The following LIG1 variants were observed in gnomAD, a reference collection of about 807,000 sequenced individuals.
LIG1 encodes ligase I, DNA, ATP-dependent.
Under a neutral mutation model 115.7 loss-of-function variants are expected in LIG1, and 70 were observed. The observed-to-expected ratio is 0.60, with a 90% confidence interval of 0.50 to 0.74. The LOEUF (loss-of-function observed/expected upper bound fraction) is 0.74. LIG1 is among the 30% of genes least tolerant of loss of function. The pLI is 0.00. For synonymous variants in LIG1, 487 were observed against 495.3 expected, an observed-to-expected ratio of 0.98 and a Z score of 0.22; for missense variants, 1,115 against 1,225.6, an observed-to-expected ratio of 0.91 and a Z score of 1.35.
chr19:48,160,205 G>A (rs987247942), intron 4 of LIG1, among the ~76,000 whole-genome samples: 10 of 152,340 alleles, frequency 6.6e-5, no homozygotes, highest in South Asian at 4.1e-4. Context: ...AAGCCACTGC[G>A]TTTGTGGTCA....
At chr19:48,130,969 C>T in intron 19 of LIG1, 107 bp downstream of exon 19, 2 of 856,384 alleles carry the variant, frequency 2.3e-6, no homozygotes, top group South Asian at 1.4e-5. Flanking sequence ...AACCTGATCT[C>T]CTCCCAATAA....
intron 19 of LIG1, among the ~76,000 whole-genome samples, chr19:48,129,066 C>G (rs1232245682): frequency 2.1e-5 from 3 of 143,862 alleles, no homozygotes; most frequent in South Asian, 2.2e-4. Flanking sequence ...GGCCTCTTTT[C>G]TTTTTTGAGA....
intron 4 of LIG1, chr19:48,161,139 G>A (rs540222946): frequency 3.4e-6 from 2 of 595,878 alleles, no homozygotes; most frequent in South Asian, 1.9e-5. Context: ...ACCAGGAGCT[G>A]CATGTTACAG....
At chr19:48,127,415 A>G in intron 20 of LIG1, 67 bp from the exon 21 acceptor site, 1 of 1,402,462 alleles carries the variant, frequency 7.1e-7, no homozygotes, top group Non-Finnish European at 1.0e-6. Context: ...CCTGAGGCCG[A>G]CAGCATTCAT....
intron 4 of LIG1, among the ~76,000 whole-genome samples, chr19:48,159,054 C>A (rs1477337903): frequency 6.6e-6 from 1 of 151,788 alleles, no homozygotes; most frequent in East Asian, 1.9e-4. Flanking sequence ...CCATTGAGAC[C>A]CTGATGGAGA....
At chr19:48,125,261 T>A (rs1352887386) in intron 21 of LIG1, among the ~76,000 whole-genome samples, 2 of 152,080 alleles carry the variant, frequency 1.3e-5, no homozygotes, top group Non-Finnish European at 2.9e-5. Flanking sequence ...GCAGGGATGA[T>A]CAAATCCTGC....
rs2036630571 is a variant in LIG1, at chr19:48,169,122, T to C, written c.-58+1119A>G. Among the ~76,000 whole-genome samples, 3 of 151,958 alleles carry C rather than the reference T, an allele frequency of 2.0e-5. No individual in the cohort carries two copies. In the South Asian group the frequency reaches 6.2e-4, roughly 32 times the overall value. Reference sequence around the variant, plus strand: ...TAGAAAAAAGGTAACATCCTAATAATATATGATTCCATTTACATAACAATC... The same window carrying C: ...TAGAAAAAAGGTAACATCCTAATAACATATGATTCCATTTACATAACAATC... On this transcript the variant is annotated intron_variant, in intron 1 of 27. Transcript: ENST00000263274.
In LIG1 at chr19:48,155,948, C is replaced by A. The variant is rs555139227; in HGVS notation, c.370+1066G>T. Among the ~76,000 whole-genome samples the A allele has an allele frequency of 1.4e-4, 22 of 152,312 alleles. No homozygotes were observed. The South Asian group carries it at 4.6e-3, about 32-fold the overall frequency. ...AGGATCTAACATGAAAGATTCAGCT[C>A]CCCTGTCACACTCACCACGCTAAAG... On this transcript the variant is annotated intron_variant, in intron 5 of 27. Coordinates refer to ENST00000263274, the MANE Select transcript of LIG1 (RefSeq NM_000234.3).
At chr19:48,133,166 G>A (rs2034155533) in intron 17 of LIG1, 69 bp from the exon 18 acceptor site, 1 of 1,031,068 alleles carries the variant, frequency 9.7e-7, no homozygotes, top group African/African-American at 1.6e-5. Flanking sequence ...ATGGAGAGGA[G>A]AACTGCTAAT....
rs367751241 is a variant in LIG1 at position 48,117,016 on chromosome 19, TA to T, written c.2583+621del. Among the ~76,000 whole-genome samples the T allele has an allele frequency of 4.8e-3, 730 of 152,170 alleles. 5 individuals are homozygous for T. The highest frequency in any genetic ancestry group is 0.015 in the South Asian group (71 of 4,818). On this transcript the variant is annotated intron_variant, in intron 26 of 27. Transcript: ENST00000263274. ...CCCAGCTAATTTTTCTATTTTTTGG[TA>T]GAGGTGGGGTTTCACCGTGTTGGTC...
rs1299066593 is a variant in LIG1, at chr19:48,157,069, G to C, written c.315C>G (p.Leu105=). The change falls in exon 5 of 28, where the codon CTC becomes CTG. Residue 105 remains leucine, a synonymous_variant. Coordinates refer to ENST00000263274, the MANE Select transcript of LIG1 (RefSeq NM_000234.3). The stretch of plus-strand genomic sequence containing the variant: ...AACTGTCCATGGGAGAGGTGTCAGA[G>C]AGGGAAGCATTGTTCTCAGGAGATG... ...PATSPENNAS[L]SDTSPMDSSP... The C allele has an allele frequency of 2.5e-6, 4 of 1,612,666 alleles. No homozygotes were observed. In the African/African-American group the frequency reaches 5.3e-5, roughly 22 times the overall value.
At chr19:48,132,915 G>A (rs548154912) in intron 18 of LIG1, 67 bp downstream of exon 18, 122 of 1,201,266 alleles carry the variant, frequency 1.0e-4, no homozygotes, top group Non-Finnish European at 1.5e-4. Context: ...TCAGGCCTCA[G>A]TGACCCCACA....
rs754885583 is a variant in LIG1, at chr19:48,157,076, G to C, written c.308C>G (p.Ala103Gly). The change falls in exon 5 of 28, where the codon GCT becomes GGT. Residue 103 changes from alanine (A) to glycine (G), a missense_variant. Coordinates refer to ENST00000263274, the MANE Select transcript of LIG1 (RefSeq NM_000234.3). ...CATGGGAGAGGTGTCAGAGAGGGAAGCATTGTTCTCAGGAGATGTGGCAGG... is the reference window on the plus strand; with the variant it reads ...CATGGGAGAGGTGTCAGAGAGGGAACCATTGTTCTCAGGAGATGTGGCAGG... Reference protein sequence around the residue: ...PRPATSPENNASLSDTSPMDS... With the variant: ...PRPATSPENNGSLSDTSPMDS... The C allele has an allele frequency of 2.2e-5, 36 of 1,613,078 alleles. No individual in the cohort carries two copies. The highest frequency in any genetic ancestry group is 1.8e-4 in the South Asian group (16 of 91,076).
intron 19 of LIG1, among the ~76,000 whole-genome samples, chr19:48,130,229 C>T (rs1446448272): frequency 1.3e-5 from 2 of 152,246 alleles, no homozygotes; most frequent in African/African-American, 4.8e-5. Flanking sequence ...CAGTGCTTGG[C>T]ACGGAACAGG....
chr19:48,153,125 G>A (rs1407384199), intron 6 of LIG1, among the ~76,000 whole-genome samples: 1 of 150,898 alleles, frequency 6.6e-6, no homozygotes, highest in Admixed American at 6.6e-5. Flanking sequence ...AGCCTGGGAG[G>A]TGGAGACTGC....
rs768214568 is a variant in LIG1, at chr19:48,136,111, C to T, written c.1346G>A (p.Arg449Gln). 6 of 1,569,042 alleles carry T rather than the reference C, an allele frequency of 3.8e-6. No individual in the cohort carries two copies. The highest frequency in any genetic ancestry group is 4.7e-5 in the East Asian group (2 of 42,378). Residue 449 changes from arginine to glutamine, a missense_variant, in exon 15 of 28, where the codon CGG becomes CAG. Arg to Gln is a conservative substitution (Grantham distance 43). Transcript: ENST00000263274. Reference sequence around the variant, plus strand: ...CTGCTCTGCCAGCCCAAGGCGCAGCCGTCCGCTCAGGGACCTGGGGAGAGA... The same window carrying T: ...CTGCTCTGCCAGCCCAAGGCGCAGCTGTCCGCTCAGGGACCTGGGGAGAGA... ...ARFIARSLSG[R>Q]LRLGLAEQSV...
rs769293001 is a variant in LIG1 at position 48,165,679 on chromosome 19, A to C, written c.-57-56T>G. The C allele has an allele frequency of 8.0e-5, 99 of 1,234,148 alleles. 1 individual carries two copies. The highest frequency in any genetic ancestry group is 1.1e-4 in the Non-Finnish European group (94 of 837,916). The allele number at this position is 1,234,148 out of a possible 1,614,324, so 76.4% of individuals were successfully genotyped here. A position where few individuals can be genotyped will look rare whatever the true frequency, so the allele number is the denominator to read the frequency against. ...TGATTGGTTGTGCAGAGATCTAAAC[A>C]CACATAAAACCCTTTCTTTAAGAAA... On this transcript the variant is annotated intron_variant, in intron 1 of 27. Coordinates refer to ENST00000263274, the MANE Select transcript of LIG1 (RefSeq NM_000234.3).
In LIG1 at chr19:48,170,283, G is replaced by A. The variant is rs1314357872; in HGVS notation, c.-100C>T. ...CGCCGCTGCCCGGGCAACACACTCA[G>A]ATCCGCCAGGCGCGCCTCTGCAGTC... On this transcript the variant is annotated 5_prime_UTR_variant, in exon 1 of 28. Transcript: ENST00000263274. 4.4e-6 allele frequency: 2 copies of A among 454,548 alleles called. No homozygotes were observed. Among genetic ancestry groups the A allele is most frequent in the South Asian group, 3.1e-5 (2 of 64,474 alleles). The allele number at this position is 454,548 out of a possible 1,614,324, so 28.2% of individuals were successfully genotyped here. A position where few individuals can be genotyped will look rare whatever the true frequency, so the allele number is the denominator to read the frequency against.
At chr19:48,156,961 A>AG (rs1428967884) in intron 5 of LIG1, 53 bp downstream of exon 5, 74 of 1,337,272 alleles carry the variant, frequency 5.5e-5, no homozygotes, top group African/African-American at 5.5e-4. Context: ...AAAAAAAAAA[A>AG]AGAGAAAAAG....
Sources: allele counts gnomAD v4.1 joint callset (sites outside exome capture counted in the v4.1 genomes callset), GRCh38; gene constraint gnomAD v4.1.1; transcripts MANE v1.5; gene names NCBI Gene and HGNC (gene_info 2026-07-23, HGNC 2026-07-21).